IQCH: variants seen among roughly 807,000 people sequenced by gnomAD.
IQCH encodes IQ domain-containing protein H.
IQCH carries 98 observed loss-of-function variants against 117.0 expected under a neutral mutation model. That is an observed-to-expected ratio of 0.84 (90% CI 0.71 to 0.99). The LOEUF is 0.99. Among genes scored for constraint, IQCH ranks in the 50% least tolerant of loss-of-function variants. The pLI is 0.00. For missense variants in IQCH, 1,102 were observed against 1,243.8 expected, an observed-to-expected ratio of 0.89 and a Z score of 1.72; for synonymous variants, 412 against 448.2, an observed-to-expected ratio of 0.92 and a Z score of 1.02.
Position 67,443,688 on chromosome 15 carries a change from C to T in IQCH, c.2506-21439C>T, listed in dbSNP as rs2082332064. Among the ~76,000 whole-genome samples, 1 of 152,176 alleles carries T rather than the reference C, an allele frequency of 6.6e-6. No individual in the cohort carries two copies. The highest frequency in any genetic ancestry group is 1.5e-5 in the Non-Finnish European group (1 of 68,038). On this transcript the variant is annotated intron_variant, in intron 16 of 20. Transcript: ENST00000335894. This position sits in a 1 kb window ranked among gnomAD's most constrained non-coding sequence, Gnocchi z 5.0. Reference sequence around the variant, plus strand: ...ATATACAACTTCGCTTCCTTTGAAACATATTTCAAAGTCCAGCTCATCATG... The same window carrying T: ...ATATACAACTTCGCTTCCTTTGAAATATATTTCAAAGTCCAGCTCATCATG...
At chr15:67,302,374 C>G (rs1026121597) in intron 4 of IQCH, among the ~76,000 whole-genome samples, 1 of 152,100 alleles carries the variant, frequency 6.6e-6, no homozygotes, top group Non-Finnish European at 1.5e-5. Context: ...TGCTTCCATG[C>G]AAAAACCCTG....
At chr15:67,282,956 G>C (rs1354847398) in intron 4 of IQCH, among the ~76,000 whole-genome samples, 1 of 151,568 alleles carries the variant, frequency 6.6e-6, no homozygotes, top group Non-Finnish European at 1.5e-5. Context: ...AAAAAAGAAA[G>C]GTTACACTAA....
In IQCH at chr15:67,381,122, T is replaced by C. The variant is rs895310861; in HGVS notation, c.1373-3814T>C. On this transcript the variant is annotated intron_variant, in intron 10 of 20. Transcript: ENST00000335894. The surrounding 1 kb of genome is among the most constrained non-coding windows in gnomAD (Gnocchi z 5.1). ...CAGTCACTCAGTGTGGCCTTGCTCA[T>C]GTTCTTGGGTTTCTGTGGTTACTGT... Among the ~76,000 whole-genome samples the C allele has an allele frequency of 2.6e-5, 4 of 152,192 alleles. No homozygotes were observed. The highest frequency in any genetic ancestry group is 9.7e-5 in the African/African-American group (4 of 41,444).
Position 67,445,251 on chromosome 15 carries a change from A to C in IQCH, c.2506-19876A>C, listed in dbSNP as rs1239328609. 6.6e-6 allele frequency among the ~76,000 whole-genome samples: 1 copy of C among 152,220 alleles called. No homozygotes were observed. Among genetic ancestry groups the C allele is most frequent in the Non-Finnish European group, 1.5e-5 (1 of 68,042 alleles). ...TTACATGAATCTTTTGCATAAATGG[A>C]ACTGTTTTAGCAATATGTATATTCC... On this transcript the variant is annotated intron_variant, in intron 16 of 20. Transcript: ENST00000335894. The surrounding 1 kb of genome is among the most constrained non-coding windows in gnomAD (Gnocchi z 4.3).
At chr15:67,434,520 G>A (rs1167932891) in intron 16 of IQCH, among the ~76,000 whole-genome samples, 2 of 152,154 alleles carry the variant, frequency 1.3e-5, no homozygotes, top group Admixed American at 6.5e-5. Flanking sequence ...CTGACACTTA[G>A]GTTGTTTCCA....
rs144243165 is a variant in IQCH, at chr15:67,384,599, C to A, written c.1373-337C>A. Among the ~76,000 whole-genome samples, 42 of 151,790 alleles carry A rather than the reference C, an allele frequency of 2.8e-4. 1 individual carries two copies. The highest frequency in any genetic ancestry group is 7.2e-4 in the African/African-American group (30 of 41,388). ...GAAGCCAAAACGATATTTTTTTTAA[C>A]CTGAGCATAATTTTCTTACACATCC... On this transcript the variant is annotated intron_variant, in intron 10 of 20. Coordinates refer to ENST00000335894, the MANE Select transcript of IQCH (RefSeq NM_001031715.3). The surrounding 1 kb of genome is among the most constrained non-coding windows in gnomAD (Gnocchi z 4.3).
chr15:67,324,707 T>C (rs1286212268), intron 4 of IQCH, among the ~76,000 whole-genome samples: 1 of 152,078 alleles, frequency 6.6e-6, no homozygotes, highest in East Asian at 1.9e-4. Flanking sequence ...GCCATGTTTT[T>C]TGTTTTTTGT....
chr15:67,352,588 T>C, intron 6 of IQCH, among the ~76,000 whole-genome samples: 1 of 114,682 alleles, frequency 8.7e-6, no homozygotes. Flanking sequence ...TTCAATATAT[T>C]ATTTCATTGT....
rs191375571 is a variant in IQCH at position 67,422,802 on chromosome 15, C to G, written c.2505+1225C>G. On this transcript the variant is annotated intron_variant, in intron 16 of 20. Coordinates refer to ENST00000335894, the MANE Select transcript of IQCH (RefSeq NM_001031715.3). The surrounding 1 kb of genome is among the most constrained non-coding windows in gnomAD (Gnocchi z 4.7). ...AAAAGTATAATGTTAAAGTTCACTACTATTTCACAGGACTCGTGTTTTAAA... is the reference window on the plus strand; with the variant it reads ...AAAAGTATAATGTTAAAGTTCACTAGTATTTCACAGGACTCGTGTTTTAAA... Among the ~76,000 whole-genome samples the G allele has an allele frequency of 1.3e-5, 2 of 152,348 alleles. No individual in the cohort carries two copies. The highest frequency in any genetic ancestry group is 3.9e-4 in the East Asian group (2 of 5,190).
chr15:67,494,456 T>C lies in IQCH; in HGVS notation c.2970+90T>C, dbSNP rs2083750948. On this transcript the variant is annotated intron_variant, in intron 20 of 20. Transcript: ENST00000335894. The surrounding 1 kb of genome is among the most constrained non-coding windows in gnomAD (Gnocchi z 5.5). Reference sequence around the variant, plus strand: ...TGTATTGTAAACAAGTGCTAAACCATCTTTTTTTTATTGTAAGCAGTACAT... The same window carrying C: ...TGTATTGTAAACAAGTGCTAAACCACCTTTTTTTTATTGTAAGCAGTACAT... 7 of 820,196 alleles carry C rather than the reference T, an allele frequency of 8.5e-6. No individual in the cohort carries two copies. Among genetic ancestry groups the C allele is most frequent in the Non-Finnish European group, 1.2e-5 (6 of 516,960 alleles). 50.8% of individuals were successfully genotyped at this position (820,196 alleles called of 1,614,324 possible).
chr15:67,255,468 G>C (rs1476141615), intron 1 of IQCH: 2 of 155,628 alleles, frequency 1.3e-5, no homozygotes, highest in Non-Finnish European at 2.9e-5. Flanking sequence ...TAAAAACTTA[G>C]TGAAAGACCT....
At position 67,395,586 on chromosome 15, in the gene IQCH, G is replaced by C. The variant is rs2140855900; in HGVS notation, c.1905+23G>C. 1 of 1,606,038 alleles carries C rather than the reference G, an allele frequency of 6.2e-7. No individual in the cohort carries two copies. On this transcript the variant is annotated intron_variant, in intron 13 of 20. Coordinates refer to ENST00000335894, the MANE Select transcript of IQCH (RefSeq NM_001031715.3). This position sits in a 1 kb window ranked among gnomAD's most constrained non-coding sequence, Gnocchi z 4.0. ...CAGGTATGTGGGGTGGACAAGTGAA[G>C]CTCTGTTCAAATATTTGAAACATCC...
chr15:67,421,452 G>A lies in IQCH; in HGVS notation c.2380G>A (p.Val794Met), dbSNP rs998675550. The A allele has an allele frequency of 1.2e-6, 2 of 1,614,072 alleles. No individual in the cohort carries two copies. The highest frequency in any genetic ancestry group is 2.7e-5 in the African/African-American group (2 of 74,934). ...SSGTTVPQTS[V>M]DPQVLTYLCL... ...TGGTACCACCGTGCCTCAGACCTCA[G>A]TGGATCCCCAAGTTCTCACTTATTT... The change falls in exon 16 of 21, where the codon GTG (valine) becomes ATG (methionine). Residue 794 changes from valine (V) to methionine (M), a missense_variant. Physicochemically the swap from Val to Met is conservative, Grantham distance 21. Transcript: ENST00000335894.
chr15:67,263,770 G>C (rs1012866575), intron 3 of IQCH, among the ~76,000 whole-genome samples: 1 of 152,108 alleles, frequency 6.6e-6, no homozygotes, highest in Non-Finnish European at 1.5e-5. Context: ...TTGGTATCCA[G>C]GGTAAACAAA....
rs909697636 is a variant in IQCH at position 67,404,353 on chromosome 15, G to C, written c.2097+4048G>C. ...CTCCCTGCATCTCCACCTCCATTGT[G>C]AAGACCTCTGTCCATTCAGAATGGC... On this transcript the variant is annotated intron_variant, in intron 14 of 20. Coordinates refer to ENST00000335894, the MANE Select transcript of IQCH (RefSeq NM_001031715.3). This position sits in a 1 kb window ranked among gnomAD's most constrained non-coding sequence, Gnocchi z 4.6. 1.3e-5 allele frequency: 2 copies of C among 152,096 alleles called. No homozygotes were observed. The highest frequency in any genetic ancestry group is 4.8e-5 in the African/African-American group (2 of 41,404). 9.4% of individuals were successfully genotyped at this position (152,096 alleles called of 1,614,324 possible). A position where few individuals can be genotyped will look rare whatever the true frequency, so the allele number is the denominator to read the frequency against.
intron 4 of IQCH, among the ~76,000 whole-genome samples, chr15:67,329,099 G>C (rs994891371): frequency 2.0e-5 from 3 of 152,132 alleles, no homozygotes; most frequent in Non-Finnish European, 4.4e-5. Flanking sequence ...AGGAGTTTAA[G>C]ACTAGCCTGG....
rs111818582 is a variant in IQCH at position 67,310,499 on chromosome 15, G to A, written c.388-26476G>A. Among the ~76,000 whole-genome samples, 319 of 152,150 alleles carry A rather than the reference G, an allele frequency of 2.1e-3. 1 individual carries two copies. Among genetic ancestry groups the A allele is most frequent in the African/African-American group, 7.4e-3 (308 of 41,522 alleles). On this transcript the variant is annotated intron_variant, in intron 4 of 20. Coordinates refer to ENST00000335894, the MANE Select transcript of IQCH (RefSeq NM_001031715.3). ...GTCATAAAGCAGTGCCTGACTCCTC[G>A]TAATCATTCAAGAAACATTAATTGG...
intron 4 of IQCH, among the ~76,000 whole-genome samples, chr15:67,328,871 C>T (rs955931804): frequency 6.6e-6 from 1 of 152,126 alleles, no homozygotes; most frequent in Non-Finnish European, 1.5e-5. Flanking sequence ...TGCTGGCTGC[C>T]TTTGAGTTGT....
chr15:67,471,361 A>G (rs1293331490), intron 17 of IQCH, among the ~76,000 whole-genome samples: 1 of 152,202 alleles, frequency 6.6e-6, no homozygotes, highest in Non-Finnish European at 1.5e-5. Context: ...ACTAGTTTTT[A>G]CAAGTCAACC....
Sources: gnomAD v4.1 joint callset for allele counts (sites outside exome capture counted in the v4.1 genomes callset) on GRCh38, gnomAD v4.1.1 for gene constraint, Gnocchi (gnomAD v3.1) non-coding constraint, MANE v1.5 for transcripts, NCBI Gene and HGNC (gene_info 2026-07-23, HGNC 2026-07-21) for gene names.